Variants in SMG6 observed in about 807,000 individuals in gnomAD.
SMG6 encodes telomerase-binding protein EST1A.
A neutral mutation model predicts 142.2 loss-of-function variants in SMG6; 66 were observed. The ratio of observed to expected loss-of-function variants is 0.46; its 90% CI spans 0.38 to 0.57. The LOEUF is 0.57. SMG6 is among the 20% of genes least tolerant of loss of function. The probability of loss-of-function intolerance (pLI) is 0.00; values close to 1 mark genes in which losing one functional copy is unlikely to be tolerated. For synonymous variants in SMG6, 779 were observed against 702.4 expected, an observed-to-expected ratio of 1.11 and a Z score of -1.72; for missense variants, 1,793 against 1,832.0, an observed-to-expected ratio of 0.98 and a Z score of 0.39.
chr17:2,216,184 T>A (rs563879731), intron 10 of SMG6, among the ~76,000 whole-genome samples: 1 of 152,136 alleles, frequency 6.6e-6, no homozygotes, highest in East Asian at 1.9e-4. Flanking sequence ...GAAACTCAGA[T>A]GGCAGGTACC....
chr17:2,112,430 C>G (rs1054828460), intron 13 of SMG6, among the ~76,000 whole-genome samples: 1 of 151,416 alleles, frequency 6.6e-6, no homozygotes, highest in South Asian at 2.1e-4. Flanking sequence ...ATGGCATGAA[C>G]CCGGGAGGCG....
chr17:2,128,254 C>T (rs757077602), intron 13 of SMG6, among the ~76,000 whole-genome samples: 13 of 152,134 alleles, frequency 8.5e-5, no homozygotes, highest in Admixed American at 1.3e-4. Flanking sequence ...GGAGCAGCGG[C>T]GGTCAAGTGC....
chr17:2,079,376 A>C (rs941873453), intron 15 of SMG6, among the ~76,000 whole-genome samples: 9 of 152,174 alleles, frequency 5.9e-5, no homozygotes, highest in Non-Finnish European at 8.8e-5. Flanking sequence ...GCAAGAAAAG[A>C]AGCATAAGGG....
In SMG6 at chr17:2,303,676, C is replaced by G; in HGVS notation, c.45G>C (p.Leu15=). 6.7e-7 allele frequency: 1 copy of G among 1,495,992 alleles called. No individual in the cohort carries two copies. The highest frequency in any genetic ancestry group is 8.9e-7 in the Non-Finnish European group (1 of 1,129,232). The allele number at this position is 1,495,992 out of a possible 1,614,324, so 92.7% of individuals were successfully genotyped here. A position where few individuals can be genotyped will look rare whatever the true frequency, so the allele number is the denominator to read the frequency against. The change falls in exon 1 of 19, where the codon CTG becomes CTC. Residue 15 remains leucine (L), a synonymous_variant. Coordinates refer to ENST00000263073, the MANE Select transcript of SMG6 (RefSeq NM_017575.5). ...LERVRISASE[L]RGILATLAPQ... is the part of the protein sequence containing the mutation. Reference sequence around the variant, plus strand: ...GGGCCAGAGTAGCCAGGATCCCGCGCAGCTCCGACGCGGAGATCCGCACAC... The same window carrying G: ...GGGCCAGAGTAGCCAGGATCCCGCGGAGCTCCGACGCGGAGATCCGCACAC...
chr17:2,299,227 T>C lies in SMG6; in HGVS notation c.1526A>G (p.Tyr509Cys), dbSNP rs2075214833. The C allele has an allele frequency of 6.2e-7, 1 of 1,613,772 alleles. No homozygotes were observed. The highest frequency in any genetic ancestry group is 8.5e-7 in the Non-Finnish European group (1 of 1,179,918). Residue 509 changes from tyrosine to cysteine, a missense_variant, in exon 2 of 19, where the codon TAT becomes TGT. Physicochemically the swap from Tyr to Cys is radical, Grantham distance 194. Coordinates refer to ENST00000263073, the MANE Select transcript of SMG6 (RefSeq NM_017575.5). This position sits in a 1 kb window ranked among gnomAD's most constrained non-coding sequence, Gnocchi z 4.3. Reference sequence around the variant, plus strand: ...GGCAGGGCCTGGTGTCCGGGGGTAATAATAGGGGTTGTCAGAGTTTTGAAA... The same window carrying C: ...GGCAGGGCCTGGTGTCCGGGGGTAACAATAGGGGTTGTCAGAGTTTTGAAA... Reference protein sequence around the residue: ...YKFQNSDNPYYYPRTPGPASQ... With the variant: ...YKFQNSDNPYCYPRTPGPASQ...
Position 2,068,900 on chromosome 17 carries a change from T to C in SMG6, c.3713A>G (p.Gln1238Arg). 7 of 1,614,226 alleles carry C rather than the reference T, an allele frequency of 4.3e-6. No individual in the cohort carries two copies. The highest frequency in any genetic ancestry group is 5.9e-6 in the Non-Finnish European group (7 of 1,180,030). The change falls in exon 16 of 19, where the codon CAG becomes CGG. Residue 1238 changes from glutamine to arginine, a missense_variant. Gln to Arg is a conservative substitution (Grantham distance 43). Coordinates refer to ENST00000263073, the MANE Select transcript of SMG6 (RefSeq NM_017575.5). The surrounding 1 kb of genome is among the most constrained non-coding windows in gnomAD (Gnocchi z 6.7). ...CAAAGGTCTGATTTCGAGCTCCATC[T>C]GCCTCATCTGACTGTGGTCCTCCAG... ...AVLEDHSQMR[Q>R]MELEIRPLFL...
chr17:2,158,893 C>A (rs1270632566), intron 13 of SMG6, among the ~76,000 whole-genome samples: 14 of 122,974 alleles, frequency 1.1e-4, no homozygotes, highest in South Asian at 2.5e-4. Context: ...CTGTTCAAGA[C>A]TATGTTTAAA....
At position 2,297,912 on chromosome 17, in the gene SMG6, A is replaced by G. The variant is rs2075179287; in HGVS notation, c.1991T>C (p.Val664Ala). The change falls in exon 3 of 19, where the codon GTT (valine) becomes GCT (alanine). Residue 664 changes from valine to alanine, a missense_variant. Val to Ala is a moderately conservative substitution (Grantham distance 64). Transcript: ENST00000263073. Reference protein sequence around the residue: ...KFRQLVKDPNVENPEQIRNRL... With the variant: ...KFRQLVKDPNAENPEQIRNRL... ...GTTCCGAATCTGTTCTGGGTTCTCA[A>G]CATTCGGATCCTTGACAAGTTGCCT... 6.2e-7 allele frequency: 1 copy of G among 1,613,038 alleles called. No homozygotes were observed.
At chr17:2,091,306 C>G (rs2068708510) in intron 13 of SMG6, among the ~76,000 whole-genome samples, 1 of 152,194 alleles carries the variant, frequency 6.6e-6, no homozygotes, top group South Asian at 2.1e-4. Context: ...AGGAAGCAGA[C>G]TCCAGAAGGC....
chr17:2,298,856 A>T, intron 2 of SMG6, 50 bp downstream of exon 2: 1 of 1,535,018 alleles, frequency 6.5e-7, no homozygotes. Context: ...CAATCTATAC[A>T]CCTCCGGCTG....
chr17:2,183,722 T>C (rs1307150079), intron 12 of SMG6, among the ~76,000 whole-genome samples: 1 of 150,442 alleles, frequency 6.6e-6, no homozygotes, highest in East Asian at 2.0e-4. Context: ...CATGGTATGC[T>C]GATCCCTGAT....
rs1458469038 is a variant in SMG6 at position 2,300,280 on chromosome 17, T to C, written c.473A>G (p.Glu158Gly). The stretch of plus-strand genomic sequence containing the variant: ...TTCCTCCTCCACCCGACTGGCGGAT[T>C]CTTTGCTAACAGTCTGCAAACGTCG... Reference protein sequence around the residue: ...PGRRLQTVSKESASRVEEEEV... With the variant: ...PGRRLQTVSKGSASRVEEEEV... The change falls in exon 2 of 19, where the codon GAA becomes GGA. Residue 158 changes from glutamate (E) to glycine (G), a missense_variant. Coordinates refer to ENST00000263073, the MANE Select transcript of SMG6 (RefSeq NM_017575.5). 26 of 1,614,162 alleles carry C rather than the reference T, an allele frequency of 1.6e-5. No homozygotes were observed. The highest frequency in any genetic ancestry group is 2.2e-5 in the Non-Finnish European group (26 of 1,180,038).
chr17:2,153,727 T>C (rs1194119633), intron 13 of SMG6, among the ~76,000 whole-genome samples: 1 of 123,808 alleles, frequency 8.1e-6, no homozygotes, highest in Non-Finnish European at 1.7e-5. Flanking sequence ...AGTGTGACGG[T>C]GACGGGGGAA....
intron 10 of SMG6, among the ~76,000 whole-genome samples, chr17:2,229,010 T>G (rs974360326): frequency 2.0e-5 from 3 of 152,114 alleles, no homozygotes; most frequent in Admixed American, 6.5e-5. Flanking sequence ...AGAGGCCTCT[T>G]TTCTAAAAGA....
At chr17:2,140,230 T>C (rs112108842) in intron 13 of SMG6, among the ~76,000 whole-genome samples, 4,354 of 152,072 alleles carry the variant, frequency 0.029, 87 homozygotes, top group Non-Finnish European at 0.047. Context: ...GCCCAACTAG[T>C]TTTTGTACTT....
At chr17:2,175,075 G>T (rs537560760) in intron 12 of SMG6, among the ~76,000 whole-genome samples, 1 of 152,188 alleles carries the variant, frequency 6.6e-6, no homozygotes, top group African/African-American at 2.4e-5. Flanking sequence ...CATGGGAGAC[G>T]CACAGGGAGG....
chr17:2,218,967 T>C (rs1032592337), intron 10 of SMG6, among the ~76,000 whole-genome samples: 1 of 152,266 alleles, frequency 6.6e-6, no homozygotes, highest in African/African-American at 2.4e-5. Flanking sequence ...TGTTCAATCT[T>C]GATGTGAACA....
At chr17:2,087,056 C>A (rs530595006) in intron 13 of SMG6, 1 of 1,290,460 alleles carries the variant, frequency 7.7e-7, no homozygotes, top group African/African-American at 1.5e-5. Context: ...CTATCTGCAG[C>A]ACATAGGGAA....
chr17:2,128,154 C>T (rs1455277498), intron 13 of SMG6, among the ~76,000 whole-genome samples: 1 of 152,220 alleles, frequency 6.6e-6, no homozygotes, highest in East Asian at 1.9e-4. Context: ...CAGGGCAAGG[C>T]CCCACAGGCA....
Sources: allele counts gnomAD v4.1 joint callset (sites outside exome capture counted in the v4.1 genomes callset), GRCh38; gene constraint gnomAD v4.1.1; non-coding constraint Gnocchi (gnomAD v3.1); transcripts MANE v1.5; gene names NCBI Gene and HGNC (gene_info 2026-07-23, HGNC 2026-07-21).